Variants in SLC8A1 observed in about 807,000 individuals in gnomAD.
SLC8A1 encodes the protein sodium/calcium exchanger 1.
Under a neutral mutation model 68.3 loss-of-function variants are expected in SLC8A1, and 18 were observed. The observed-to-expected ratio is 0.26, with a 90% CI of 0.18 to 0.39. The LOEUF (loss-of-function observed/expected upper bound fraction) is 0.39, where lower values mean the gene tolerates loss of function less well. Ranked by LOEUF, SLC8A1 falls within the 10% of genes least tolerant of loss-of-function variation. The pLI is 1.00. For synonymous variants in SLC8A1, 475 were observed against 415.5 expected (o/e 1.14, Z -1.74); for missense variants, 985 against 1,156.7 (o/e 0.85, Z 2.15).
At chr2:40,295,884 G>T (rs1045184477) in intron 2 of SLC8A1, among the ~76,000 whole-genome samples, 1 of 152,104 alleles carries the variant, frequency 6.6e-6, no homozygotes, top group Non-Finnish European at 1.5e-5. Flanking sequence ...CCCTTTCTGC[G>T]TACTTCTGAA....
intron 7 of SLC8A1, among the ~76,000 whole-genome samples, chr2:40,133,398 G>T (rs965076642): frequency 6.6e-6 from 1 of 151,422 alleles, no homozygotes; most frequent in Non-Finnish European, 1.5e-5. Flanking sequence ...AATTGGGGGG[G>T]GGGGGGGTGG....
At chr2:40,227,502 T>C (rs1016570135) in intron 2 of SLC8A1, among the ~76,000 whole-genome samples, 52 of 151,824 alleles carry the variant, frequency 3.4e-4, no homozygotes, top group African/African-American at 1.2e-3. Flanking sequence ...GACTTACAAG[T>C]GGGAGCTAAA....
chr2:40,277,790 G>GTATATATA (rs2066921728), intron 2 of SLC8A1, among the ~76,000 whole-genome samples: 2 of 58,240 alleles, frequency 3.4e-5, no homozygotes, highest in African/African-American at 8.4e-5. Flanking sequence ...ATATATATAT[G>GTATATATA]TGTGTATATA....
At chr2:40,452,155 C>A (rs1470883732), upstream of SLC8A1, 1 of 124 alleles carries the variant, frequency 8.1e-3, no homozygotes, top group African/African-American at 0.1. Context: ...AGGGCCGGGG[C>A]CCGGGCGCGC....
intron 2 of SLC8A1, among the ~76,000 whole-genome samples, chr2:40,279,886 C>G (rs568465476): frequency 2.0e-5 from 3 of 152,320 alleles, no homozygotes; most frequent in Admixed American, 6.5e-5. Flanking sequence ...GTCTTCAGCT[C>G]TCCTACATTT....
intron 2 of SLC8A1, among the ~76,000 whole-genome samples, chr2:40,184,422 G>A (rs2050237377): frequency 1.3e-5 from 2 of 152,094 alleles, no homozygotes; most frequent in South Asian, 2.1e-4. Flanking sequence ...ATTATAAAAT[G>A]TACTTAAAGT....
At position 40,268,167 on chromosome 2, in the gene SLC8A1, C is replaced by T. The variant is rs369802546; in HGVS notation, c.1809-90312G>A. ...GAAGAGCCAGAATTCCAATTCCACT[C>T]CATTGTGTGTGTGTTTGTGTGTTTC... On this transcript the variant is annotated intron_variant, in intron 2 of 7. Coordinates refer to ENST00000406785, the Ensembl canonical transcript of SLC8A1. Among the ~76,000 whole-genome samples, 248 of 152,228 alleles carry T rather than the reference C, an allele frequency of 1.6e-3. 1 individual carries two copies. The highest frequency in any genetic ancestry group is 5.7e-3 in the African/African-American group (235 of 41,532).
chr2:40,252,815 C>CAT (rs748062321), intron 2 of SLC8A1, among the ~76,000 whole-genome samples: 2 of 143,268 alleles, frequency 1.4e-5, no homozygotes, highest in Non-Finnish European at 3.0e-5. Flanking sequence ...TGTACATATA[C>CAT]ATATATATGT....
intron 1 of SLC8A1, among the ~76,000 whole-genome samples, chr2:40,464,151 C>T (rs1208853935): frequency 5.9e-5 from 9 of 151,990 alleles, no homozygotes; most frequent in African/African-American, 2.2e-4. Context: ...CACCTCGGCC[C>T]CCCAAAGTGC....
chr2:40,478,886 C>T (rs1704456979), intron 1 of SLC8A1, among the ~76,000 whole-genome samples: 1 of 152,032 alleles, frequency 6.6e-6, no homozygotes, highest in South Asian at 2.1e-4. Flanking sequence ...ATTCTCATGC[C>T]TCAGCCTCCC....
chr2:40,316,942 T>C (rs1017101877), intron 2 of SLC8A1, among the ~76,000 whole-genome samples: 14 of 152,102 alleles, frequency 9.2e-5, no homozygotes, highest in African/African-American at 3.4e-4. Context: ...ATCTGGCTCA[T>C]TTATTTATTT....
At chr2:40,262,650 C>G (rs1370169818) in intron 2 of SLC8A1, among the ~76,000 whole-genome samples, 1 of 152,094 alleles carries the variant, frequency 6.6e-6, no homozygotes, top group Non-Finnish European at 1.5e-5. Context: ...TCTTGAGTCC[C>G]TAATTGCACT....
At chr2:40,134,350 C>A (rs2040077701) in intron 7 of SLC8A1, among the ~76,000 whole-genome samples, 1 of 152,082 alleles carries the variant, frequency 6.6e-6, no homozygotes, top group Non-Finnish European at 1.5e-5. Context: ...CCTCAGCCTC[C>A]CAAAGTGCTG....
At chr2:40,175,411 G>T in intron 3 of SLC8A1, 130 bp from the exon 4 acceptor site, 1 of 798,496 alleles carries the variant, frequency 1.3e-6, no homozygotes, top group South Asian at 1.6e-5. Flanking sequence ...GCTAAAAATG[G>T]GTATACCCCA....
chr2:40,191,048 G>T (rs751254060), intron 2 of SLC8A1, among the ~76,000 whole-genome samples: 9 of 152,122 alleles, frequency 5.9e-5, no homozygotes, highest in Non-Finnish European at 1.0e-4. Context: ...CAACAATGTG[G>T]TAAGCTTGTA....
intron 2 of SLC8A1, among the ~76,000 whole-genome samples, chr2:40,271,375 AC>A (rs1422718238): frequency 6.6e-6 from 1 of 151,844 alleles, no homozygotes; most frequent in Non-Finnish European, 1.5e-5. Flanking sequence ...GGAAGGGTTG[AC>A]CCCGGATCTT....
chr2:40,494,867 T>G (rs1195759267), intron 1 of SLC8A1, among the ~76,000 whole-genome samples: 1 of 151,570 alleles, frequency 6.6e-6, no homozygotes, highest in South Asian at 2.1e-4. Flanking sequence ...AACAACACTT[T>G]ATCATGTACC....
intron 1 of SLC8A1, among the ~76,000 whole-genome samples, chr2:40,481,916 G>C (rs998623180): frequency 2.0e-5 from 3 of 152,108 alleles, no homozygotes; most frequent in Non-Finnish European, 4.4e-5. Flanking sequence ...ATCAAAATTT[G>C]AATTTCAGAG....
In SLC8A1 at chr2:40,328,368, A is replaced by G. The variant is rs183508656; in HGVS notation, c.1808+100105T>C. Among the ~76,000 whole-genome samples, 4 of 152,014 alleles carry G rather than the reference A, an allele frequency of 2.6e-5. No individual in the cohort carries two copies. The East Asian group carries it at 7.7e-4, about 29-fold the overall frequency. On this transcript the variant is annotated intron_variant, in intron 2 of 7. Transcript: ENST00000406785. Reference sequence around the variant, plus strand: ...ATTTGATGTGATACTGTGGAGGTTTATCTCCTCTGCCTCTAATCAGTCCTT... The same window carrying G: ...ATTTGATGTGATACTGTGGAGGTTTGTCTCCTCTGCCTCTAATCAGTCCTT...
Sources: allele counts gnomAD v4.1 joint callset (sites outside exome capture counted in the v4.1 genomes callset), GRCh38; gene constraint gnomAD v4.1.1; transcripts MANE v1.5; gene names NCBI Gene and HGNC (gene_info 2026-07-23, HGNC 2026-07-21).